Variants in KALRN observed in about 807,000 individuals in gnomAD.
KALRN encodes kalirin RhoGEF kinase.
KALRN carries 70 observed loss-of-function variants against 353.7 expected under a neutral mutation model. The ratio of observed to expected loss-of-function variants is 0.20; its 90% CI spans 0.16 to 0.24. The LOEUF (loss-of-function observed/expected upper bound fraction) is 0.24. KALRN is among the 10% of genes least tolerant of loss of function. The pLI, the probability that KALRN is intolerant of heterozygous loss-of-function variation, is 1.00. For missense variants in KALRN, 2,791 were observed against 3,756.7 expected (o/e 0.74, Z 6.72); for synonymous variants, 1,391 against 1,434.8 (o/e 0.97, Z 0.69).
chr3:124,687,322 C>T (rs1259620764), intron 51 of KALRN, among the ~76,000 whole-genome samples: 2 of 152,148 alleles, frequency 1.3e-5, no homozygotes, highest in African/African-American at 4.8e-5. Flanking sequence ...CCACTGCATC[C>T]TCCTCAGCCC....
chr3:124,388,245 C>G (rs1290154381), intron 11 of KALRN, among the ~76,000 whole-genome samples: 1 of 151,996 alleles, frequency 6.6e-6, no homozygotes, highest in Non-Finnish European at 1.5e-5. Flanking sequence ...GAAACTTCCT[C>G]CCAAATTTTT....
intron 1 of KALRN, among the ~76,000 whole-genome samples, chr3:124,087,126 C>G (rs2060868312): frequency 6.6e-6 from 1 of 152,044 alleles, no homozygotes; most frequent in African/African-American, 2.4e-5. Flanking sequence ...TAGTGGATAC[C>G]TAAACATTTT....
At chr3:124,437,397 A>C (rs141081419) in intron 17 of KALRN, among the ~76,000 whole-genome samples, 1 of 152,228 alleles carries the variant, frequency 6.6e-6, no homozygotes, top group South Asian at 2.1e-4. Context: ...ATCCAAAGAC[A>C]TCTTTCATCT....
intron 1 of KALRN, among the ~76,000 whole-genome samples, chr3:124,188,261 T>A (rs144267710): frequency 1.2e-3 from 189 of 152,290 alleles, no homozygotes; most frequent in African/African-American, 4.4e-3. Flanking sequence ...GGGAGGAGTC[T>A]GCATGTTTTA....
At chr3:124,694,623 T>G in intron 53 of KALRN, 120 bp downstream of exon 53, 1 of 952,452 alleles carries the variant, frequency 1.0e-6, no homozygotes, top group Non-Finnish European at 1.6e-6. Context: ...ATAGCTGCCC[T>G]GGAGCCTGTT....
At chr3:124,314,269 A>G (rs1181808793) in intron 6 of KALRN, among the ~76,000 whole-genome samples, 1 of 145,010 alleles carries the variant, frequency 6.9e-6, no homozygotes, top group Non-Finnish European at 1.5e-5. Flanking sequence ...CAAACACCGC[A>G]TGTTCTTATT....
intron 34 of KALRN, among the ~76,000 whole-genome samples, chr3:124,594,232 G>C (rs1443744571): frequency 1.3e-5 from 2 of 152,102 alleles, no homozygotes; most frequent in Non-Finnish European, 2.9e-5. Flanking sequence ...TGCATTTCCA[G>C]GAATTTTTTT....
Position 124,657,714 on chromosome 3 carries a change from T to C in KALRN, c.5967-20T>C. ...TCTGAATAATGTGGCTTCCTTCTCT[T>C]ATCCCCTTTCTCCTTTTAGTTTTTT... On this transcript the variant is annotated intron_variant, in intron 40 of 59. Coordinates refer to ENST00000682506, the MANE Select transcript of KALRN (RefSeq NM_001388419.1). The C allele has an allele frequency of 3.1e-6, 5 of 1,593,162 alleles. No individual in the cohort carries two copies. The highest frequency in any genetic ancestry group is 4.3e-6 in the Non-Finnish European group (5 of 1,161,232).
At chr3:124,655,239 C>G (rs2083878951) in intron 38 of KALRN, among the ~76,000 whole-genome samples, 1 of 152,208 alleles carries the variant, frequency 6.6e-6, no homozygotes. Flanking sequence ...TCAAAGCTTT[C>G]AGAACGCAGT....
chr3:124,720,238 A>G lies in KALRN; in HGVS notation c.*768A>G, dbSNP rs2063327063. On this transcript the variant is annotated 3_prime_UTR_variant, in exon 60 of 60. Coordinates refer to ENST00000682506, the MANE Select transcript of KALRN (RefSeq NM_001388419.1). ...TTTGATTAAGATAGGTTCTTTCTGT[A>G]TATGAAACGCTCCCCGCAAATTCAC... 1 of 152,640 alleles carries G rather than the reference A, an allele frequency of 6.6e-6. No individual in the cohort carries two copies. The highest frequency in any genetic ancestry group is 6.5e-5 in the Admixed American group (1 of 15,280). The allele number at this position is 152,640 out of a possible 1,614,324, so 9.5% of individuals were successfully genotyped here.
intron 1 of KALRN, among the ~76,000 whole-genome samples, chr3:124,226,612 A>T (rs2078537970): frequency 6.6e-6 from 1 of 152,200 alleles, no homozygotes; most frequent in Non-Finnish European, 1.5e-5. Context: ...AGAAACTGGC[A>T]TTGTGAGCAC....
intron 11 of KALRN, among the ~76,000 whole-genome samples, chr3:124,388,332 A>G (rs1363377685): frequency 6.6e-6 from 1 of 152,114 alleles, no homozygotes; most frequent in African/African-American, 2.4e-5. Context: ...CAACTTAGAC[A>G]TCATTTTTTT....
In KALRN at chr3:124,180,118, A is replaced by G. The variant is rs555232914; in HGVS notation, c.74-47872A>G. ...TGCTTGTGTGGTGGGGGTATGTTCA[A>G]CCTTTCTTGGTTTCATCACTGTGGC... On this transcript the variant is annotated intron_variant, in intron 1 of 59. Transcript: ENST00000682506. Among the ~76,000 whole-genome samples the G allele has an allele frequency of 1.4e-4, 21 of 152,206 alleles. No homozygotes were observed. In the South Asian group the frequency reaches 3.3e-3, roughly 24 times the overall value.
intron 34 of KALRN, among the ~76,000 whole-genome samples, chr3:124,586,223 G>C (rs897811891): frequency 2.0e-5 from 3 of 152,176 alleles, no homozygotes; most frequent in African/African-American, 7.2e-5. Context: ...TGGGAATTGA[G>C]GGAAAGGGGG....
intron 1 of KALRN, among the ~76,000 whole-genome samples, chr3:124,179,801 A>G (rs1192340757): frequency 6.6e-6 from 1 of 152,210 alleles, no homozygotes; most frequent in East Asian, 1.9e-4. Flanking sequence ...TATGCGGTGC[A>G]TGGCTATTCT....
chr3:124,437,058 C>G (rs980918715), intron 17 of KALRN, among the ~76,000 whole-genome samples: 2 of 151,002 alleles, frequency 1.3e-5, no homozygotes, highest in African/African-American at 4.9e-5. Context: ...GACAGATCTT[C>G]TCATGTGATG....
At chr3:124,238,600 A>G (rs531745021) in intron 3 of KALRN, among the ~76,000 whole-genome samples, 35 of 152,192 alleles carry the variant, frequency 2.3e-4, no homozygotes, top group Middle Eastern at 3.2e-3. Context: ...CCCCACCAAT[A>G]TGCATCTAAG....
chr3:124,630,202 G>A (rs994141353), intron 34 of KALRN, among the ~76,000 whole-genome samples: 13 of 152,150 alleles, frequency 8.5e-5, no homozygotes, highest in Non-Finnish European at 7.3e-5. Context: ...ATTAAATAAA[G>A]TTTGCTCAAT....
chr3:124,189,429 A>C (rs779266772), intron 1 of KALRN, among the ~76,000 whole-genome samples: 1 of 152,222 alleles, frequency 6.6e-6, no homozygotes, highest in East Asian at 1.9e-4. Flanking sequence ...AGGGACATGA[A>C]GGCAGCAAGT....
Sources: gnomAD v4.1 joint callset for allele counts (sites outside exome capture counted in the v4.1 genomes callset) on GRCh38, gnomAD v4.1.1 for gene constraint, MANE v1.5 for transcripts, NCBI Gene and HGNC (gene_info 2026-07-23, HGNC 2026-07-21) for gene names.